The following DSN1 variants were observed in gnomAD, a reference collection of about 807,000 sequenced individuals.
DSN1 encodes the protein kinetochore-associated protein DSN1 homolog.
DSN1 carries 31 observed loss-of-function variants against 45.7 expected under a neutral mutation model. That is an observed-to-expected ratio of 0.68 (90% confidence interval 0.51 to 0.92). DSN1 has a LOEUF of 0.92. Ranked by LOEUF, DSN1 falls within the 40% of genes least tolerant of loss-of-function variation. DSN1 has a pLI of 0.00. For missense variants in DSN1, 394 were observed against 414.2 expected (o/e 0.95, Z 0.42); for synonymous variants, 134 against 142.3 (o/e 0.94, Z 0.41).
intron 7 of DSN1, 33 bp downstream of exon 7, chr20:36,758,525 C>A (rs372608113): frequency 1.3e-6 from 2 of 1,575,560 alleles, no homozygotes; most frequent in East Asian, 4.5e-5. Context: ...GATGGGAGAA[C>A]GAATTTAGAT....
intron 5 of DSN1, among the ~76,000 whole-genome samples, chr20:36,765,352 T>C (rs1296966714): frequency 2.7e-5 from 4 of 150,060 alleles, no homozygotes; most frequent in Admixed American, 6.7e-5. Context: ...GGTCGGGAGT[T>C]CGAGACCAGC....
rs1986404619 is a variant in DSN1 at position 36,751,964 on chromosome 20, T to G, written c.*824A>C. 2 of 152,006 alleles carry G rather than the reference T, an allele frequency of 1.3e-5. No homozygotes were observed. The highest frequency in any genetic ancestry group is 3.8e-4 in the East Asian group (2 of 5,198). 9.4% of individuals were successfully genotyped at this position (152,006 alleles called of 1,614,324 possible). The stretch of plus-strand genomic sequence containing the variant: ...CAGACAACAGGACATAGAGAATGAG[T>G]GGTATTTCCTTCAAATTGAACATCT... On this transcript the variant is annotated 3_prime_UTR_variant, in exon 11 of 11. Coordinates refer to ENST00000373750, the MANE Select transcript of DSN1 (RefSeq NM_001145315.2).
intron 10 of DSN1, among the ~76,000 whole-genome samples, chr20:36,754,006 C>CAA (rs1004399383): frequency 7.3e-6 from 1 of 136,420 alleles, no homozygotes; most frequent in African/African-American, 2.7e-5. Flanking sequence ...AACTCCGTCT[C>CAA]AAAAAAAAAA....
rs762276635 is a variant in DSN1 at position 36,767,934 on chromosome 20, A to C, written c.429+35T>G. On this transcript the variant is annotated intron_variant, in intron 4 of 10. Coordinates refer to ENST00000373750, the MANE Select transcript of DSN1 (RefSeq NM_001145315.2). ...AAGATTGTCACAATAGCAGTTAACA[A>C]ACACAAAAACATTTCCTAGTTATAA... The C allele has an allele frequency of 1.9e-6, 3 of 1,604,988 alleles. No homozygotes were observed. The South Asian group carries it at 3.3e-5, about 18-fold the overall frequency.
intron 6 of DSN1, among the ~76,000 whole-genome samples, chr20:36,762,105 T>C (rs1468954980): frequency 7.1e-6 from 1 of 140,128 alleles, no homozygotes; most frequent in Non-Finnish European, 1.6e-5. Context: ...TAATTCTTTT[T>C]TTTTTTTTTT....
chr20:36,769,902 T>TACACACACACAC (rs66970744), intron 3 of DSN1, among the ~76,000 whole-genome samples: 121 of 117,320 alleles, frequency 1.0e-3, no homozygotes, highest in African/African-American at 4.4e-3. Context: ...TCACTGTAGA[T>TACACACACACAC]ACACACACAC....
chr20:36,765,048 G>C (rs1987238752), intron 5 of DSN1, among the ~76,000 whole-genome samples: 1 of 151,886 alleles, frequency 6.6e-6, no homozygotes, highest in African/African-American at 2.4e-5. Flanking sequence ...CTATCATATA[G>C]TAAGAAAATC....
intron 5 of DSN1, among the ~76,000 whole-genome samples, chr20:36,764,217 T>C (rs1042819457): frequency 6.7e-6 from 1 of 149,564 alleles, no homozygotes; most frequent in Non-Finnish European, 1.5e-5. Flanking sequence ...CGAGATCCTG[T>C]CTCAAAAAAA....
chr20:36,762,736 A>T (rs144543862), intron 5 of DSN1, among the ~76,000 whole-genome samples, 188 bp from the exon 6 acceptor site: 2 of 152,190 alleles, frequency 1.3e-5, no homozygotes, highest in African/African-American at 4.8e-5. Flanking sequence ...AGGTATAGAT[A>T]AAATGAAAGA....
intron 4 of DSN1, among the ~76,000 whole-genome samples, chr20:36,767,505 C>T (rs983285462): frequency 1.3e-5 from 2 of 152,080 alleles, no homozygotes; most frequent in African/African-American, 4.8e-5. Context: ...GTGGCTCACA[C>T]CTGTAATCCT....
chr20:36,764,874 C>G (rs73620229), intron 5 of DSN1, among the ~76,000 whole-genome samples: 1 of 150,204 alleles, frequency 6.7e-6, no homozygotes, highest in Non-Finnish European at 1.5e-5. Context: ...GAGCCAAGAT[C>G]GCACCACTGT....
chr20:36,754,992 G>C (rs1041577890), intron 9 of DSN1, 142 bp from the exon 10 acceptor site: 3 of 686,660 alleles, frequency 4.4e-6, no homozygotes, highest in Non-Finnish European at 7.4e-6. Context: ...AATTCTGTTT[G>C]TTCCTCCAAA....
At chr20:36,753,033 G>A in intron 10 of DSN1, 136 bp from the exon 11 acceptor site, 1 of 702,268 alleles carries the variant, frequency 1.4e-6, no homozygotes, top group Non-Finnish European at 2.4e-6. Context: ...GCCTCAAGGA[G>A]ATGACAATTT....
At chr20:36,766,218 A>G (rs536402209) in intron 5 of DSN1, among the ~76,000 whole-genome samples, 75 of 151,998 alleles carry the variant, frequency 4.9e-4, no homozygotes, top group African/African-American at 1.0e-3. Context: ...AAAAAGAAAA[A>G]AAAAGCAATA....
Position 36,755,792 on chromosome 20 carries a change from C to T in DSN1, c.763G>A (p.Glu255Lys). The T allele has an allele frequency of 1.2e-6, 2 of 1,613,250 alleles. No homozygotes were observed. Among genetic ancestry groups the T allele is most frequent in the Non-Finnish European group, 1.7e-6 (2 of 1,179,798 alleles). The change falls in exon 9 of 11, where the codon GAA becomes AAA. Residue 255 changes from glutamate to lysine, a missense_variant. Glu to Lys is a moderately conservative substitution (Grantham distance 56). Transcript: ENST00000373750. ...GAAGACCCAAGATATGTCATAGGTT[C>T]CACTTTGACCTCAGTAATTTTGGCC... Reference protein sequence around the residue: ...TEAKITEVKVEPMTYLGSSQN... With the variant: ...TEAKITEVKVKPMTYLGSSQN...
At chr20:36,772,267 C>A (rs1047459138) in intron 1 of DSN1, among the ~76,000 whole-genome samples, 1 of 149,062 alleles carries the variant, frequency 6.7e-6, no homozygotes, top group Admixed American at 6.8e-5. Context: ...CTACCTCCAA[C>A]GGCCCGTCTC....
chr20:36,755,623 C>T (rs1986626007), intron 9 of DSN1, 59 bp downstream of exon 9: 2 of 1,552,688 alleles, frequency 1.3e-6, no homozygotes, highest in African/African-American at 1.4e-5. Context: ...TTTTAATTTC[C>T]AAGGATTACA....
intron 3 of DSN1, among the ~76,000 whole-genome samples, chr20:36,770,072 A>G (rs78998334): frequency 0.012 from 1,872 of 151,610 alleles, 41 homozygotes; most frequent in African/African-American, 0.044. Flanking sequence ...AAAAAGAGAC[A>G]AAGTTTTTTA....
intron 6 of DSN1, among the ~76,000 whole-genome samples, chr20:36,759,261 G>C (rs1452683394): frequency 2.0e-5 from 3 of 151,710 alleles, no homozygotes; most frequent in Non-Finnish European, 2.9e-5. Context: ...GATTACAGGC[G>C]TGAGCCACCA....
Sources: gnomAD v4.1 joint callset for allele counts (sites outside exome capture counted in the v4.1 genomes callset) on GRCh38, gnomAD v4.1.1 for gene constraint, MANE v1.5 for transcripts, NCBI Gene and HGNC (gene_info 2026-07-23, HGNC 2026-07-21) for gene names.